DNAH6: variants seen among roughly 807,000 people sequenced by gnomAD.
DNAH6 encodes dynein axonemal heavy chain 6, also known as axonemal beta dynein heavy chain 6.
In DNAH6, 340 loss-of-function variants were observed where a neutral mutation model predicts 491.4. The ratio of observed to expected loss-of-function variants is 0.69; its 90% CI spans 0.63 to 0.76. DNAH6 has a LOEUF of 0.76. DNAH6 is among the 30% of genes least tolerant of loss of function. The probability of loss-of-function intolerance (pLI) is 0.00; values close to 1 mark genes in which losing one functional copy is unlikely to be tolerated. For missense variants in DNAH6, 4,443 were observed against 4,972.2 expected, an observed-to-expected ratio of 0.89 and a Z score of 3.20; for synonymous variants, 1,603 against 1,686.1, an observed-to-expected ratio of 0.95 and a Z score of 1.21.
chr2:84,808,583 G>A, intron 72 of DNAH6, 41 bp downstream of exon 72: 1 of 1,542,622 alleles, frequency 6.5e-7, no homozygotes, highest in South Asian at 1.2e-5. Flanking sequence ...GAGCATCAAA[G>A]CTTTGTAGAG....
chr2:84,706,842 G>A (rs1192268), intron 52 of DNAH6, 54 bp from the exon 53 acceptor site: 73,490 of 1,503,460 alleles, frequency 0.049, 2,108 homozygotes, highest in South Asian at 0.063. Flanking sequence ...TTATTAATGG[G>A]CAAATTCAGC....
intron 70 of DNAH6, among the ~76,000 whole-genome samples, chr2:84,798,825 A>G (rs1678592114): frequency 6.6e-6 from 1 of 152,086 alleles, no homozygotes; most frequent in Non-Finnish European, 1.5e-5. Flanking sequence ...GGGCCAGGGG[A>G]AAAATCCACA....
upstream of DNAH6, among the ~76,000 whole-genome samples, chr2:84,513,661 G>T (rs1412852577): frequency 6.6e-6 from 1 of 151,316 alleles, no homozygotes; most frequent in Non-Finnish European, 1.5e-5. Flanking sequence ...TTGTATGCTT[G>T]GGTTTTTTTT....
intron 33 of DNAH6, among the ~76,000 whole-genome samples, chr2:84,650,756 C>A (rs1281828328): frequency 6.6e-6 from 1 of 152,120 alleles, no homozygotes; most frequent in Admixed American, 6.6e-5. Context: ...ACAGTTTTAA[C>A]GTTTCTCTCA....
At chr2:84,766,770 A>G (rs944644446) in intron 64 of DNAH6, among the ~76,000 whole-genome samples, 9 of 152,190 alleles carry the variant, frequency 5.9e-5, no homozygotes, top group African/African-American at 2.2e-4. Context: ...GAGGAGGCTA[A>G]GGGGCTGTGA....
At chr2:84,565,474 C>T (rs988567127) in intron 11 of DNAH6, among the ~76,000 whole-genome samples, 8 of 151,634 alleles carry the variant, frequency 5.3e-5, no homozygotes, top group African/African-American at 1.5e-4. Flanking sequence ...TTTTCTAATT[C>T]GTGTATATAG....
intron 45 of DNAH6, among the ~76,000 whole-genome samples, chr2:84,689,596 T>A (rs180943830): frequency 6.6e-6 from 1 of 152,330 alleles, no homozygotes; most frequent in Non-Finnish European, 1.5e-5. Context: ...ATGGCTTTTT[T>A]GACATAGTCT....
chr2:84,589,886 C>T (rs1683940077), intron 16 of DNAH6, among the ~76,000 whole-genome samples: 1 of 151,620 alleles, frequency 6.6e-6, no homozygotes, highest in Non-Finnish European at 1.5e-5. Context: ...CAGGGAGCCC[C>T]TAGCAATAAG....
At chr2:84,544,669 GT>G (rs1678601005) in intron 5 of DNAH6, among the ~76,000 whole-genome samples, 169 bp downstream of exon 5, 1 of 152,124 alleles carries the variant, frequency 6.6e-6, no homozygotes. Flanking sequence ...ATCTAGGGGT[GT>G]TTCTACATTT....
chr2:84,716,876 G>C (rs1163412464), intron 58 of DNAH6, among the ~76,000 whole-genome samples: 1 of 152,186 alleles, frequency 6.6e-6, no homozygotes, highest in African/African-American at 2.4e-5. Context: ...TGAGGATGGA[G>C]CTGGGTCTGC....
chr2:84,642,120 T>C (rs1032882299), intron 33 of DNAH6, 66 bp downstream of exon 33: 73 of 1,045,516 alleles, frequency 7.0e-5, no homozygotes, highest in Non-Finnish European at 9.4e-5. Context: ...AGTCTTTTCT[T>C]CAATTATTTC....
At chr2:84,622,934 T>A (rs957838831) in intron 26 of DNAH6, among the ~76,000 whole-genome samples, 1 of 152,180 alleles carries the variant, frequency 6.6e-6, no homozygotes. Flanking sequence ...ATTAGTGATG[T>A]TGATCATTTT....
intron 18 of DNAH6, among the ~76,000 whole-genome samples, chr2:84,601,021 A>AACGTTATTATTATAGT (rs1362227570): frequency 6.8e-6 from 1 of 147,432 alleles, no homozygotes; most frequent in African/African-American, 2.5e-5. Context: ...ATATTATAAT[A>AACGTTATTATTATAGT]ATAATGTTAT....
At chr2:84,701,030 C>G (rs1049628415) in intron 48 of DNAH6, 67 bp from the exon 49 acceptor site, 1 of 1,499,406 alleles carries the variant, frequency 6.7e-7, no homozygotes, top group African/African-American at 1.4e-5. Context: ...ATATGTTTTT[C>G]TTGGTATTAA....
the DNAH6 span, among the ~76,000 whole-genome samples, chr2:84,491,573 A>C: frequency 6.6e-6 from 1 of 152,214 alleles, no homozygotes; most frequent in South Asian, 2.1e-4. Context: ...TTTGCCGTAA[A>C]GGGACAAGTA....
intron 45 of DNAH6, among the ~76,000 whole-genome samples, chr2:84,691,544 G>A (rs1694846432): frequency 6.6e-6 from 1 of 152,310 alleles, no homozygotes; most frequent in African/African-American, 2.4e-5. Flanking sequence ...AGAGGAGTTG[G>A]CCAAAAGTTC....
chr2:84,570,703 A>G lies in DNAH6; in HGVS notation c.1804-2764A>G, dbSNP rs534586720. Reference sequence around the variant, plus strand: ...CATTAGCACTCTGTAAGATGGACCAATCAGCAGGATATGGGCAGGGCCAAA... The same window carrying G: ...CATTAGCACTCTGTAAGATGGACCAGTCAGCAGGATATGGGCAGGGCCAAA... On this transcript the variant is annotated intron_variant, in intron 11 of 76. Coordinates refer to ENST00000389394, the MANE Select transcript of DNAH6 (RefSeq NM_001370.2). Among the ~76,000 whole-genome samples, 13 of 152,306 alleles carry G rather than the reference A, an allele frequency of 8.5e-5. 1 individual carries two copies. The highest frequency in any genetic ancestry group is 7.8e-4 in the Admixed American group (12 of 15,304).
intron 15 of DNAH6, among the ~76,000 whole-genome samples, chr2:84,585,505 C>T (rs1024687504): frequency 4.6e-5 from 7 of 152,124 alleles, no homozygotes; most frequent in African/African-American, 1.7e-4. Context: ...CAGGTCATCC[C>T]ATTGAGTGTT....
chr2:84,631,149 A>C (rs1409722898), intron 29 of DNAH6, among the ~76,000 whole-genome samples: 1 of 152,198 alleles, frequency 6.6e-6, no homozygotes, highest in African/African-American at 2.4e-5. Context: ...GTTGAACACA[A>C]ACAATTTCAC....
Sources: gnomAD v4.1 joint callset for allele counts (sites outside exome capture counted in the v4.1 genomes callset) on GRCh38, gnomAD v4.1.1 for gene constraint, MANE v1.5 for transcripts, NCBI Gene and HGNC (gene_info 2026-07-23, HGNC 2026-07-21) for gene names.